Variants in C4orf33 observed in about 807,000 individuals in gnomAD.
C4orf33 encodes the protein UPF0462 protein C4orf33.
Under a neutral mutation model 24.3 loss-of-function variants are expected in C4orf33, and 20 were observed. That is an observed-to-expected ratio of 0.82 (90% CI 0.58 to 1.19). The LOEUF (loss-of-function observed/expected upper bound fraction) is 1.19. Among genes scored for constraint, C4orf33 ranks in the 50% most tolerant of loss-of-function variants. The pLI is 0.00. For synonymous variants in C4orf33, 67 were observed against 76.4 expected (o/e 0.88, Z 0.64); for missense variants, 207 against 225.9 (o/e 0.92, Z 0.54).
chr4:129,116,398 C>T lies in C4orf33; in HGVS notation c.*4607C>T, dbSNP rs1330572015. The T allele has an allele frequency of 2.0e-5, 3 of 152,100 alleles. No homozygotes were observed. Among genetic ancestry groups the T allele is most frequent in the East Asian group, 1.9e-4 (1 of 5,196 alleles). The allele number at this position is 152,100 out of a possible 1,614,324, so 9.4% of individuals were successfully genotyped here. Reference sequence around the variant, plus strand: ...TTTTACTTTGCACTCTTGAAAAATTCGCAGAGAATGCAAGGTTTAGTAAAA... The same window carrying T: ...TTTTACTTTGCACTCTTGAAAAATTTGCAGAGAATGCAAGGTTTAGTAAAA... On this transcript the variant is annotated 3_prime_UTR_variant, in exon 6 of 6. Coordinates refer to ENST00000425929, the MANE Select transcript of C4orf33 (RefSeq NM_001099783.2).
At chr4:129,102,814 A>G (rs1288436425) in intron 2 of C4orf33, 23 bp downstream of exon 2, 1 of 1,583,118 alleles carries the variant, frequency 6.3e-7, no homozygotes, top group African/African-American at 1.4e-5. Flanking sequence ...ACTGTATTTT[A>G]TTGCAAACAT....
chr4:129,111,709 C>T lies in C4orf33; in HGVS notation c.518C>T (p.Ser173Phe). 6.2e-7 allele frequency: 1 copy of T among 1,611,604 alleles called. No individual in the cohort carries two copies. Among genetic ancestry groups the T allele is most frequent in the Non-Finnish European group, 8.5e-7 (1 of 1,178,220 alleles). ...AGCCATTGCCTAGAATACTTCAAGT[C>T]TTTCAATTTTAACACACTGCTTGGA... ...PDFHCLEYFK[S>F]FNFNTLLGEE... Residue 173 changes from serine (S) to phenylalanine (F), a missense_variant, in exon 6 of 6, where the codon TCT becomes TTT. Ser to Phe is a radical substitution (Grantham distance 155, BLOSUM62 -2). Transcript: ENST00000425929.
intron 3 of C4orf33, among the ~76,000 whole-genome samples, chr4:129,108,472 C>G (rs772848592): frequency 2.6e-5 from 4 of 151,806 alleles, no homozygotes; most frequent in Non-Finnish European, 5.9e-5. Flanking sequence ...TGTTGAGGAC[C>G]GTGTGTGAAA....
chr4:129,099,058 C>T (rs1408139034), intron 1 of C4orf33, among the ~76,000 whole-genome samples: 1 of 152,180 alleles, frequency 6.6e-6, no homozygotes. Context: ...GCTCAGAAAA[C>T]AAGCCCAGCT....
intron 3 of C4orf33, 30 bp from the exon 4 acceptor site, chr4:129,109,277 A>T: frequency 2.5e-6 from 4 of 1,600,190 alleles, no homozygotes; most frequent in Non-Finnish European, 3.4e-6. Context: ...ATGTTTTTCA[A>T]ACACTCATGA....
chr4:129,100,806 G>C (rs1342378354), intron 1 of C4orf33: 2 of 152,116 alleles, frequency 1.3e-5, no homozygotes, highest in South Asian at 2.1e-4. Flanking sequence ...CAGCCTATTG[G>C]TGTCAGAATC....
At chr4:129,110,703 A>T (rs896043799) in intron 5 of C4orf33, among the ~76,000 whole-genome samples, 1 of 101,928 alleles carries the variant, frequency 9.8e-6, no homozygotes, top group Non-Finnish European at 2.3e-5. Flanking sequence ...CCATGCTCTT[A>T]CTTTATGCTT....
rs945103986 is a variant in C4orf33, at chr4:129,116,559, T to C, written c.*4768T>C. On this transcript the variant is annotated 3_prime_UTR_variant, in exon 6 of 6. Coordinates refer to ENST00000425929, the MANE Select transcript of C4orf33 (RefSeq NM_001099783.2). ...ACCTAGAGTATATATTTTGAAGAGA[T>C]AGCTTTGCTGAAATAGAAAACCAAA... 1 of 152,206 alleles carries C rather than the reference T, an allele frequency of 6.6e-6. No individual in the cohort carries two copies. Among genetic ancestry groups the C allele is most frequent in the Non-Finnish European group, 1.5e-5 (1 of 68,020 alleles). 9.4% of individuals were successfully genotyped at this position (152,206 alleles called of 1,614,324 possible).
At chr4:129,099,719 A>G (rs1753299391) in intron 1 of C4orf33, among the ~76,000 whole-genome samples, 2 of 152,334 alleles carry the variant, frequency 1.3e-5, no homozygotes, top group African/African-American at 4.8e-5. Flanking sequence ...TACTTAATGA[A>G]CACATGTTCA....
chr4:129,115,827 TA>T lies in C4orf33; in HGVS notation c.*4037del, dbSNP rs1753768503. 4.2e-5 allele frequency: 4 copies of T among 94,412 alleles called. No individual in the cohort carries two copies. Among genetic ancestry groups the T allele is most frequent in the African/African-American group, 1.6e-4 (4 of 24,762 alleles). 5.8% of individuals were successfully genotyped at this position (94,412 alleles called of 1,614,324 possible). On this transcript the variant is annotated 3_prime_UTR_variant, in exon 6 of 6. Coordinates refer to ENST00000425929, the MANE Select transcript of C4orf33 (RefSeq NM_001099783.2). The stretch of plus-strand genomic sequence containing the variant: ...ATATATATATATATATATATATATA[TA>T]TAAAATATATATGTTTATATATAAC...
rs2125805673 is a variant in C4orf33 at position 129,113,848 on chromosome 4, G to T, written c.*2057G>T. ...AATGTTAGGCTTTTGGAGGACAGAA[G>T]ATAATGAGCATAATTAATCTGATAT... On this transcript the variant is annotated 3_prime_UTR_variant, in exon 6 of 6. Coordinates refer to ENST00000425929, the MANE Select transcript of C4orf33 (RefSeq NM_001099783.2). 6.6e-6 allele frequency: 1 copy of T among 152,192 alleles called. No individual in the cohort carries two copies. The highest frequency in any genetic ancestry group is 2.1e-4 in the South Asian group (1 of 4,828). The allele number at this position is 152,192 out of a possible 1,614,324, so 9.4% of individuals were successfully genotyped here.
At chr4:129,103,871 A>G (rs1352471058) in intron 2 of C4orf33, among the ~76,000 whole-genome samples, 1 of 152,176 alleles carries the variant, frequency 6.6e-6, no homozygotes, top group Non-Finnish European at 1.5e-5. Context: ...CTTCTAGTCA[A>G]TATGTCTAGT....
chr4:129,100,884 A>G (rs935199773), intron 1 of C4orf33, among the ~76,000 whole-genome samples: 14 of 152,294 alleles, frequency 9.2e-5, no homozygotes, highest in African/African-American at 2.6e-4. Context: ...GAGGATACTT[A>G]TTACTACCAA....
At chr4:129,107,509 T>C (rs999503171) in intron 3 of C4orf33, among the ~76,000 whole-genome samples, 7 of 152,078 alleles carry the variant, frequency 4.6e-5, no homozygotes, top group African/African-American at 1.7e-4. Flanking sequence ...AAACAATTGA[T>C]TTAAATGAGA....
chr4:129,095,189 T>C (rs1753157542), upstream of C4orf33, among the ~76,000 whole-genome samples: 3 of 152,210 alleles, frequency 2.0e-5, no homozygotes, highest in Admixed American at 1.3e-4. Flanking sequence ...AACATAAGTT[T>C]CATCATTAGG....
intron 1 of C4orf33, among the ~76,000 whole-genome samples, chr4:129,102,347 A>G (rs1423610417): frequency 6.6e-6 from 1 of 152,206 alleles, no homozygotes; most frequent in Non-Finnish European, 1.5e-5. Flanking sequence ...GCAGCAATTA[A>G]AAACAAAGTT....
rs913444721 is a variant in C4orf33, at chr4:129,110,055, T to A, written c.494+383T>A. ...CAAACAGTCCCCTGTTACAAGGAAATCTAATCTTCAGTTATCTCTCTAGTT... is the reference window on the plus strand; with the variant it reads ...CAAACAGTCCCCTGTTACAAGGAAAACTAATCTTCAGTTATCTCTCTAGTT... On this transcript the variant is annotated intron_variant, in intron 5 of 5. Transcript: ENST00000425929. 6.0e-6 allele frequency: 6 copies of A among 994,836 alleles called. No homozygotes were observed. In the South Asian group the frequency reaches 2.4e-4, roughly 40 times the overall value. The allele number at this position is 994,836 out of a possible 1,614,324, so 61.6% of individuals were successfully genotyped here. A position where few individuals can be genotyped will look rare whatever the true frequency, so the allele number is the denominator to read the frequency against.
At position 129,114,789 on chromosome 4, in the gene C4orf33, G is replaced by T. The variant is rs976046962; in HGVS notation, c.*2998G>T. On this transcript the variant is annotated 3_prime_UTR_variant, in exon 6 of 6. Transcript: ENST00000425929. ...AATGACTCTTCGTGTCAACTGTTCA[G>T]CAGGCAAATAGAAGCGGGCTACCAT... The T allele has an allele frequency of 1.3e-5, 2 of 152,218 alleles. No homozygotes were observed. The highest frequency in any genetic ancestry group is 1.3e-4 in the Admixed American group (2 of 15,278). 9.4% of individuals were successfully genotyped at this position (152,218 alleles called of 1,614,324 possible). A position where few individuals can be genotyped will look rare whatever the true frequency, so the allele number is the denominator to read the frequency against.
In C4orf33 at chr4:129,110,767, C is replaced by T. The variant is rs1054499205; in HGVS notation, c.495-919C>T. On this transcript the variant is annotated intron_variant, in intron 5 of 5. Transcript: ENST00000425929. ...CTTTATTTTGCTTGATATTTTTTCC[C>T]CTTTTCCCTTTGCCTTTCTCCCCAA... is the stretch of plus-strand genomic sequence containing the variant. 2.5e-4 allele frequency among the ~76,000 whole-genome samples: 38 copies of T among 152,068 alleles called. 1 individual carries two copies. Among genetic ancestry groups the T allele is most frequent in the Admixed American group, 2.4e-3 (37 of 15,258 alleles).
Sources: allele counts gnomAD v4.1 joint callset (sites outside exome capture counted in the v4.1 genomes callset), GRCh38; gene constraint gnomAD v4.1.1; transcripts MANE v1.5; gene names NCBI Gene and HGNC (gene_info 2026-07-23, HGNC 2026-07-21).